NTNG1: variants seen among roughly 807,000 people sequenced by gnomAD.
NTNG1 encodes netrin G1.
Under a neutral mutation model 54.0 loss-of-function variants are expected in NTNG1, and 16 were observed. The ratio of observed to expected loss-of-function variants is 0.30; its 90% CI spans 0.20 to 0.45. The LOEUF (loss-of-function observed/expected upper bound fraction) is 0.45, where lower values mean the gene tolerates loss of function less well. NTNG1 is among the 20% of genes least tolerant of loss of function. NTNG1 has a pLI of 1.00. For missense variants in NTNG1, 530 were observed against 678.7 expected (o/e 0.78, Z 2.43); for synonymous variants, 255 against 263.1 (o/e 0.97, Z 0.30).
chr1:107,417,916 A>T (rs917783462), intron 5 of NTNG1, among the ~76,000 whole-genome samples: 2 of 152,044 alleles, frequency 1.3e-5, no homozygotes, highest in Non-Finnish European at 2.9e-5. Flanking sequence ...TTATTTCTGC[A>T]TTGAAACCAA....
chr1:107,221,460 G>T (rs1028617481), intron 2 of NTNG1, among the ~76,000 whole-genome samples: 1 of 152,134 alleles, frequency 6.6e-6, no homozygotes, highest in African/African-American at 2.4e-5. Context: ...AAGGATTCAG[G>T]GTGGCTCTAT....
chr1:107,314,278 ATTCCCAGC>A (rs1262547847), intron 2 of NTNG1, among the ~76,000 whole-genome samples: 2 of 152,166 alleles, frequency 1.3e-5, no homozygotes, highest in Non-Finnish European at 2.9e-5. Context: ...ACATGCCTGT[ATTCCCAGC>A]TACTCGGGAG....
At position 107,368,310 on chromosome 1, in the gene NTNG1, T is replaced by C. The variant is rs545620753; in HGVS notation, c.888-26844T>C. ...TCTCAGGTGTGCAAAAATACCACAT[T>C]TGTTTATTTTCTTTACCTAAAAAAA... On this transcript the variant is annotated intron_variant, in intron 3 of 7. Coordinates refer to ENST00000370068, the MANE Select transcript of NTNG1 (RefSeq NM_001113226.3). 6.0e-4 allele frequency among the ~76,000 whole-genome samples: 92 copies of C among 152,262 alleles called. 1 individual carries two copies. The highest frequency in any genetic ancestry group is 1.1e-3 in the Non-Finnish European group (75 of 68,022).
chr1:107,148,521 A>G lies in NTNG1; in HGVS notation c.-73A>G, dbSNP rs1654308760. The G allele has an allele frequency of 4.8e-6, 7 of 1,460,500 alleles. No homozygotes were observed. The highest frequency in any genetic ancestry group is 1.8e-5 in the Admixed American group (1 of 57,130). The allele number at this position is 1,460,500 out of a possible 1,614,324, so 90.5% of individuals were successfully genotyped here. A position where few individuals can be genotyped will look rare whatever the true frequency, so the allele number is the denominator to read the frequency against. On this transcript the variant is annotated 5_prime_UTR_variant, in exon 2 of 8. It removes the in-frame stop codon of an upstream open reading frame in the 5' UTR. Coordinates refer to ENST00000370068, the MANE Select transcript of NTNG1 (RefSeq NM_001113226.3). ...TACATACATATGTGTATATATATGT[A>G]AACTAGACAAAGATCGCAGATCATA...
chr1:107,187,709 A>G (rs1657570209), intron 2 of NTNG1, among the ~76,000 whole-genome samples: 1 of 152,134 alleles, frequency 6.6e-6, no homozygotes, highest in African/African-American at 2.4e-5. Context: ...TCGCTACAAC[A>G]ATGTGGTGAG....
intron 2 of NTNG1, among the ~76,000 whole-genome samples, chr1:107,169,358 G>A (rs1271181993): frequency 6.6e-6 from 1 of 152,160 alleles, no homozygotes; most frequent in East Asian, 1.9e-4. Context: ...GGGTATACAA[G>A]TGCAGTTTTG....
At chr1:107,272,200 A>G (rs1282136126) in intron 2 of NTNG1, among the ~76,000 whole-genome samples, 1 of 152,134 alleles carries the variant, frequency 6.6e-6, no homozygotes, top group Non-Finnish European at 1.5e-5. Flanking sequence ...TTGAATAATA[A>G]TAATATTACT....
intron 2 of NTNG1, among the ~76,000 whole-genome samples, chr1:107,249,072 T>G (rs1373308952): frequency 2.0e-5 from 3 of 150,702 alleles, no homozygotes; most frequent in Non-Finnish European, 4.4e-5. Context: ...GGCAGGAGAA[T>G]CACTTGAACC....
chr1:107,170,394 T>TACC (rs1292484474), intron 2 of NTNG1, among the ~76,000 whole-genome samples: 3 of 152,252 alleles, frequency 2.0e-5, no homozygotes, highest in African/African-American at 7.2e-5. Flanking sequence ...TCTATTATTT[T>TACC]ATTTATCTTT....
chr1:107,232,420 C>T (rs771437864), intron 2 of NTNG1, among the ~76,000 whole-genome samples: 1 of 152,156 alleles, frequency 6.6e-6, no homozygotes, highest in Non-Finnish European at 1.5e-5. Context: ...TGGTTTCTCC[C>T]TTTTAACAAA....
intron 7 of NTNG1, among the ~76,000 whole-genome samples, chr1:107,459,356 T>G (rs1275726945): frequency 1.3e-5 from 2 of 152,176 alleles, no homozygotes; most frequent in Non-Finnish European, 2.9e-5. Flanking sequence ...GTTATGCTAT[T>G]CATTCAGCCT....
At chr1:107,321,167 A>T (rs1271295031) in intron 2 of NTNG1, among the ~76,000 whole-genome samples, 1 of 152,128 alleles carries the variant, frequency 6.6e-6, no homozygotes, top group Admixed American at 6.6e-5. Flanking sequence ...ACATTATAAC[A>T]CATTATGCTT....
chr1:107,300,917 G>A (rs1259634785), intron 2 of NTNG1, among the ~76,000 whole-genome samples: 1 of 152,080 alleles, frequency 6.6e-6, no homozygotes, highest in East Asian at 1.9e-4. Flanking sequence ...AGAATTTTAA[G>A]GGCTGTGGAG....
chr1:107,171,451 C>T (rs1656231434), intron 2 of NTNG1, among the ~76,000 whole-genome samples: 1 of 152,126 alleles, frequency 6.6e-6, no homozygotes, highest in Non-Finnish European at 1.5e-5. Context: ...CATTGGCAGA[C>T]AGCACTGGAA....
intron 2 of NTNG1, among the ~76,000 whole-genome samples, chr1:107,264,804 A>G (rs1663623256): frequency 6.6e-6 from 1 of 152,184 alleles, no homozygotes; most frequent in Non-Finnish European, 1.5e-5. Context: ...TCCACCCTTC[A>G]GTCACTCTGT....
chr1:107,330,737 T>C (rs1668226311), intron 3 of NTNG1: 1 of 152,160 alleles, frequency 6.6e-6, no homozygotes, highest in Non-Finnish European at 1.5e-5. Context: ...TGAGCTCAAA[T>C]ATAGGTTTGA....
In NTNG1 at chr1:107,226,232, G is replaced by A. The variant is rs377493102; in HGVS notation, c.246+77393G>A. Among the ~76,000 whole-genome samples the A allele has an allele frequency of 5.3e-5, 8 of 152,230 alleles. No homozygotes were observed. In the South Asian group the frequency reaches 1.0e-3, roughly 20 times the overall value. ...AACAGAACCCCCATGATGTCCCGGT[G>A]TACTCTTGTGAGTCTTAGTTTGACT... On this transcript the variant is annotated intron_variant, in intron 2 of 7. Coordinates refer to ENST00000370068, the MANE Select transcript of NTNG1 (RefSeq NM_001113226.3).
intron 2 of NTNG1, among the ~76,000 whole-genome samples, chr1:107,303,700 T>C (rs1212249191): frequency 1.3e-5 from 2 of 152,160 alleles, no homozygotes; most frequent in African/African-American, 4.8e-5. Context: ...GTCCTGTGTT[T>C]GTTTTGAGAT....
At chr1:107,464,953 T>C (rs1443591987) in intron 7 of NTNG1, among the ~76,000 whole-genome samples, 1 of 152,146 alleles carries the variant, frequency 6.6e-6, no homozygotes, top group Non-Finnish European at 1.5e-5. Flanking sequence ...TATGTGGTGT[T>C]TCTCTCCAGG....
Sources: allele counts gnomAD v4.1 joint callset (sites outside exome capture counted in the v4.1 genomes callset), GRCh38; gene constraint gnomAD v4.1.1; transcripts MANE v1.5; gene names NCBI Gene and HGNC (gene_info 2026-07-23, HGNC 2026-07-21).